The following TPRN variants were observed in gnomAD, a reference collection of about 807,000 sequenced individuals.
TPRN encodes taperin.
Under a neutral mutation model 42.6 loss-of-function variants are expected in TPRN, and 32 were observed. The ratio of observed to expected loss-of-function variants is 0.75; its 90% CI spans 0.57 to 1.01. The LOEUF (loss-of-function observed/expected upper bound fraction) is 1.01, where lower values mean the gene tolerates loss of function less well. Among genes scored for constraint, TPRN ranks in the 50% least tolerant of loss-of-function variants. The probability of loss-of-function intolerance (pLI) is 0.00; values close to 1 mark genes in which losing one functional copy is unlikely to be tolerated. For synonymous variants in TPRN, 541 were observed against 445.6 expected (o/e 1.21, Z -2.70); for missense variants, 1,095 against 957.5 (o/e 1.14, Z -1.90).
intron 1 of TPRN, chr9:137,195,169 C>T (rs930639478): frequency 6.5e-6 from 1 of 152,974 alleles, no homozygotes; most frequent in Non-Finnish European, 1.5e-5. Flanking sequence ...CTCCCATCCC[C>T]CACGCAGCCC....
Position 137,192,043 on chromosome 9 carries a change from TC to T in TPRN, c.*68del. ...AACAAGGCAGAAGCGGGTGCAGTAGTCCCTGGCTACTGCCCAGCTTCCGGGA... is the reference window on the plus strand; with the variant it reads ...AACAAGGCAGAAGCGGGTGCAGTAGTCCTGGCTACTGCCCAGCTTCCGGGA... On this transcript the variant is annotated 3_prime_UTR_variant, in exon 4 of 4. Transcript: ENST00000409012. 1.3e-6 allele frequency: 2 copies of T among 1,566,434 alleles called. No homozygotes were observed. The highest frequency in any genetic ancestry group is 1.7e-6 in the Non-Finnish European group (2 of 1,148,366).
intron 1 of TPRN, among the ~76,000 whole-genome samples, chr9:137,196,305 G>A (rs1381805419): frequency 6.6e-6 from 1 of 152,226 alleles, no homozygotes; most frequent in African/African-American, 2.4e-5. Context: ...CCAAAGGCTG[G>A]GGTCAGCACG....
Position 137,199,980 on chromosome 9 carries a change from C to A in TPRN, c.732G>T (p.Gly244=). The change falls in exon 1 of 4, where the codon GGG becomes GGT. Residue 244 remains glycine (G), a synonymous_variant. Transcript: ENST00000409012. The stretch of plus-strand genomic sequence containing the variant: ...CCACCTTTGGCTTCCACTGTCCCGA[C>A]CCAGGCGGGGAGCCCGCGAGGCGGT... ...PANRLAGSPP[G]SGQWKPKVES... The A allele has an allele frequency of 6.9e-7, 1 of 1,449,558 alleles. No homozygotes were observed. 89.8% of individuals were successfully genotyped at this position (1,449,558 alleles called of 1,614,324 possible).
At chr9:137,197,098 T>G (rs954410501) in intron 1 of TPRN, among the ~76,000 whole-genome samples, 1 of 152,042 alleles carries the variant, frequency 6.6e-6, no homozygotes, top group African/African-American at 2.4e-5. Flanking sequence ...TTCTGTCCCT[T>G]CTTTGCTTTT....
Position 137,200,688 on chromosome 9 carries a change from G to T in TPRN, c.24C>A (p.Gly8=). 8.3e-7 allele frequency: 1 copy of T among 1,211,462 alleles called. No individual in the cohort carries two copies. The highest frequency in any genetic ancestry group is 1.6e-5 in the African/African-American group (1 of 61,822). 75.0% of individuals were successfully genotyped at this position (1,211,462 alleles called of 1,614,324 possible). MAALGRP[G]SGPRAAVPAW... ...CGGGCACCGCAGCGCGCGGCCCCGAGCCCGGCCGCCCCAGGGCGGCCATGC... is the reference window on the plus strand; with the variant it reads ...CGGGCACCGCAGCGCGCGGCCCCGATCCCGGCCGCCCCAGGGCGGCCATGC... Residue 8 remains glycine, a synonymous_variant, in exon 1 of 4, where the codon GGC becomes GGA. Coordinates refer to ENST00000409012, the MANE Select transcript of TPRN (RefSeq NM_001128228.3). This position sits in a 1 kb window ranked among gnomAD's most constrained non-coding sequence, Gnocchi z 4.3.
At position 137,192,165 on chromosome 9, in the gene TPRN, C is replaced by T. The variant is rs876658034; in HGVS notation, c.2083G>A (p.Ala695Thr). The T allele has an allele frequency of 4.3e-6, 7 of 1,613,590 alleles. No individual in the cohort carries two copies. The Admixed American group carries it at 6.7e-5, about 15-fold the overall frequency. ...PPPVEAMLTPASQNDLSDFRS... is the reference protein window; with the variant it reads ...PPPVEAMLTPTSQNDLSDFRS... ...AAGTCCGAGAGGTCATTCTGACTGG[C>T]GGGTGTGAGCTGAAAGTGAGAGGAC... Residue 695 changes from alanine (A) to threonine (T), a missense_variant, in exon 4 of 4, where the codon GCC becomes ACC. Physicochemically the swap from Ala to Thr is moderately conservative, Grantham distance 58. Transcript: ENST00000409012.
intron 1 of TPRN, among the ~76,000 whole-genome samples, chr9:137,197,292 G>A (rs989438361): frequency 2.0e-5 from 3 of 152,124 alleles, no homozygotes; most frequent in Non-Finnish European, 4.4e-5. Context: ...TAGTAGAGAC[G>A]GGGTTTCACC....
Position 137,192,175 on chromosome 9 carries a change from CTGAAAG to C in TPRN, c.2074-7_2074-2del. On this transcript the variant is annotated splice_acceptor_variant and splice_polypyrimidine_tract_variant and intron_variant, in intron 3 of 3. Transcript: ENST00000409012. LOFTEE classifies it high-confidence loss of function. The stretch of plus-strand genomic sequence containing the variant: ...GGTCATTCTGACTGGCGGGTGTGAG[CTGAAAG>C]TGAGAGGACAGAATGTGGACACATG... The C allele has an allele frequency of 6.2e-7, 1 of 1,613,518 alleles. No individual in the cohort carries two copies. The highest frequency in any genetic ancestry group is 8.5e-7 in the Non-Finnish European group (1 of 1,180,002).
Position 137,200,675 on chromosome 9 carries a change from C to A in TPRN, c.37G>T (p.Ala13Ser). 1 of 1,227,716 alleles carries A rather than the reference C, an allele frequency of 8.1e-7. No homozygotes were observed. Among genetic ancestry groups the A allele is most frequent in the Non-Finnish European group, 1.0e-6 (1 of 973,596 alleles). 76.1% of individuals were successfully genotyped at this position (1,227,716 alleles called of 1,614,324 possible). Reference protein sequence around the residue: ...ALGRPGSGPRAAVPAWKREIL... With the variant: ...ALGRPGSGPRSAVPAWKREIL... ...TCACGCTTCCAAGCGGGCACCGCAG[C>A]GCGCGGCCCCGAGCCCGGCCGCCCC... The change falls in exon 1 of 4, where the codon GCT (alanine) becomes TCT (serine). Residue 13 changes from alanine to serine, a missense_variant. Ala to Ser is a moderately conservative substitution (Grantham distance 99). Transcript: ENST00000409012. This position sits in a 1 kb window ranked among gnomAD's most constrained non-coding sequence, Gnocchi z 4.3.
chr9:137,194,565 C>T (rs1834678403), intron 1 of TPRN: 1 of 152,416 alleles, frequency 6.6e-6, no homozygotes, highest in African/African-American at 2.4e-5. Context: ...AGTGCCCTCA[C>T]TCGTGCACAT....
At position 137,191,923 on chromosome 9, in the gene TPRN, G is replaced by A. The variant is rs1448887753; in HGVS notation, c.*189C>T. The stretch of plus-strand genomic sequence containing the variant: ...TTCCCCCTTGGACCCTCCCAAATCA[G>A]GGCCGGGGAGTGAGACCCAGACCTG... On this transcript the variant is annotated 3_prime_UTR_variant, in exon 4 of 4. Coordinates refer to ENST00000409012, the MANE Select transcript of TPRN (RefSeq NM_001128228.3). The A allele has an allele frequency of 4.2e-6, 3 of 720,230 alleles. No homozygotes were observed. The highest frequency in any genetic ancestry group is 4.2e-5 in the Admixed American group (2 of 47,272). The allele number at this position is 720,230 out of a possible 1,614,324, so 44.6% of individuals were successfully genotyped here. A position where few individuals can be genotyped will look rare whatever the true frequency, so the allele number is the denominator to read the frequency against.
Position 137,192,495 on chromosome 9 carries a change from C to T in TPRN, c.1922G>A (p.Ser641Asn). Residue 641 changes from serine (S) to asparagine (N), a missense_variant, in exon 2 of 4, where the codon AGC becomes AAC. Coordinates refer to ENST00000409012, the MANE Select transcript of TPRN (RefSeq NM_001128228.3). ...ALFLPRATFV[S>N]SVRPESSRLP... ...CCGAGAGCTCTCGGGTCTCACGCTGCTCACAAACGTGGCCCGGGGCAGGAA... is the reference window on the plus strand; with the variant it reads ...CCGAGAGCTCTCGGGTCTCACGCTGTTCACAAACGTGGCCCGGGGCAGGAA... The T allele has an allele frequency of 1.9e-6, 3 of 1,606,362 alleles. No individual in the cohort carries two copies. The highest frequency in any genetic ancestry group is 2.5e-6 in the Non-Finnish European group (3 of 1,176,828).
chr9:137,195,684 C>A (rs1027473397), intron 1 of TPRN, among the ~76,000 whole-genome samples: 1 of 152,182 alleles, frequency 6.6e-6, no homozygotes, highest in African/African-American at 2.4e-5. Context: ...GGGACACTGA[C>A]ACGCTCCAGC....
In TPRN at chr9:137,200,240, G is replaced by GC; in HGVS notation, c.471_472insG (p.Pro158AlafsTer72). ...GGCGCGGGCGGCGGCGGCGGCGGCG[G>GC]GGGGCGGGCGCGCTCGGGGCTCCCG... On this transcript the variant is annotated frameshift_variant, in exon 1 of 4. Transcript: ENST00000409012. LOFTEE classifies it high-confidence loss of function. The surrounding 1 kb of genome is among the most constrained non-coding windows in gnomAD (Gnocchi z 4.3). 1.0e-6 allele frequency: 1 copy of GC among 969,994 alleles called. No individual in the cohort carries two copies. The highest frequency in any genetic ancestry group is 1.2e-6 in the Non-Finnish European group (1 of 820,670). The allele number at this position is 969,994 out of a possible 1,614,324, so 60.1% of individuals were successfully genotyped here.
In TPRN at chr9:137,200,304, T is replaced by C. The variant is rs1271705553; in HGVS notation, c.408A>G (p.Leu136=). The change falls in exon 1 of 4, where the codon CTA becomes CTG. Residue 136 remains leucine (L), a synonymous_variant. Coordinates refer to ENST00000409012, the MANE Select transcript of TPRN (RefSeq NM_001128228.3). This position sits in a 1 kb window ranked among gnomAD's most constrained non-coding sequence, Gnocchi z 4.3. ...CGGCGGGCGGGTCGAACCTCTCCAG[T>C]AGGCGGCTGACGCGGCCGGGCGGCG... ...YGAPPGRVSR[L]LERFDPPAAP... The C allele has an allele frequency of 3.0e-6, 3 of 990,038 alleles. No individual in the cohort carries two copies. The highest frequency in any genetic ancestry group is 2.4e-6 in the Non-Finnish European group (2 of 838,640). The allele number at this position is 990,038 out of a possible 1,614,324, so 61.3% of individuals were successfully genotyped here.
intron 1 of TPRN, among the ~76,000 whole-genome samples, chr9:137,196,845 G>A (rs542700783): frequency 3.7e-4 from 57 of 152,302 alleles, no homozygotes; most frequent in Non-Finnish European, 5.9e-4. Flanking sequence ...GTACCCAGGC[G>A]GGAAGTCACA....
At position 137,192,653 on chromosome 9, in the gene TPRN, T is replaced by C. The variant is rs780943916; in HGVS notation, c.1764A>G (p.Thr588=). The C allele has an allele frequency of 1.6e-5, 26 of 1,613,762 alleles. No homozygotes were observed. Among genetic ancestry groups the C allele is most frequent in the East Asian group, 2.2e-5 (1 of 44,888 alleles). ...ISFNDKSLQT[T]FEYPSESSLE... is the part of the protein sequence containing the mutation. ...GGGAGCTCTCGGAAGGGTACTCAAATGTGGTCTGCAGGCTTTTGTCGTTGA... is the reference window on the plus strand; with the variant it reads ...GGGAGCTCTCGGAAGGGTACTCAAACGTGGTCTGCAGGCTTTTGTCGTTGA... The change falls in exon 2 of 4, where the codon ACA becomes ACG. Residue 588 remains threonine (T), a synonymous_variant. Transcript: ENST00000409012.
Position 137,199,441 on chromosome 9 carries a change from G to A in TPRN, c.1271C>T (p.Pro424Leu), listed in dbSNP as rs748099880. The A allele has an allele frequency of 1.2e-5, 19 of 1,609,582 alleles. No individual in the cohort carries two copies. In the African/African-American group the frequency reaches 1.7e-4, roughly 15 times the overall value. Residue 424 changes from proline to leucine, a missense_variant, in exon 1 of 4, where the codon CCG (proline) becomes CTG (leucine). Pro to Leu is a moderately conservative substitution (Grantham distance 98). Coordinates refer to ENST00000409012, the MANE Select transcript of TPRN (RefSeq NM_001128228.3). ...AGGCTCAGCTTCTTCCGAAGCAGCC[G>A]GCAGGAAGGGGGGCGGTGAGGACGG... ...QRPSSPPPFL[P>L]AASEEAEPAE...
chr9:137,200,698 C>T lies in TPRN; in HGVS notation c.14G>A (p.Gly5Glu). Residue 5 changes from glycine (G) to glutamate (E), a missense_variant, in exon 1 of 4, where the codon GGG becomes GAG. By Grantham distance (98) the Gly-to-Glu change is moderately conservative. Transcript: ENST00000409012. The surrounding 1 kb of genome is among the most constrained non-coding windows in gnomAD (Gnocchi z 4.3). MAAL[G>E]RPGSGPRAAV... The stretch of plus-strand genomic sequence containing the variant: ...AGCGCGCGGCCCCGAGCCCGGCCGC[C>T]CCAGGGCGGCCATGCTGCGAACGCG... 8.4e-7 allele frequency: 1 copy of T among 1,196,014 alleles called. No individual in the cohort carries two copies. The highest frequency in any genetic ancestry group is 1.0e-6 in the Non-Finnish European group (1 of 958,196). The allele number at this position is 1,196,014 out of a possible 1,614,324, so 74.1% of individuals were successfully genotyped here.
Sources: allele counts gnomAD v4.1 joint callset (sites outside exome capture counted in the v4.1 genomes callset), GRCh38; gene constraint gnomAD v4.1.1; non-coding constraint Gnocchi (gnomAD v3.1); transcripts MANE v1.5; gene names NCBI Gene and HGNC (gene_info 2026-07-23, HGNC 2026-07-21).